ITGBL1: variants seen among roughly 807,000 people sequenced by gnomAD.
ITGBL1 encodes the protein integrin subunit beta like 1.
A neutral mutation model predicts 68.5 loss-of-function variants in ITGBL1; 51 were observed. That is an observed-to-expected ratio of 0.74 (90% CI 0.59 to 0.94). The LOEUF is 0.94. ITGBL1 is among the 40% of genes least tolerant of loss of function. The pLI is 0.00. For missense variants in ITGBL1, 649 were observed against 647.4 expected, an observed-to-expected ratio of 1.00 and a Z score of -0.03; for synonymous variants, 209 against 227.3, an observed-to-expected ratio of 0.92 and a Z score of 0.72.
At chr13:101,641,433 AT>A (rs964677023) in intron 7 of ITGBL1, among the ~76,000 whole-genome samples, 1 of 151,452 alleles carries the variant, frequency 6.6e-6, no homozygotes, top group African/African-American at 2.4e-5. Context: ...AGTCTCTCTG[AT>A]TTTTTGATTG....
At chr13:101,487,944 G>A (rs2048723472) in intron 2 of ITGBL1, among the ~76,000 whole-genome samples, 1 of 152,168 alleles carries the variant, frequency 6.6e-6, no homozygotes, top group Non-Finnish European at 1.5e-5. Flanking sequence ...CTGGCACAGG[G>A]GGCCTGACTG....
In ITGBL1 at chr13:101,462,731, C is replaced by T. The variant is rs117829585; in HGVS notation, c.316+8631C>T. Among the ~76,000 whole-genome samples the T allele has an allele frequency of 5.6e-3, 854 of 152,198 alleles. 37 individuals carry two copies. In the East Asian group the frequency reaches 0.11, roughly 20 times the overall value. Reference sequence around the variant, plus strand: ...CTGAGTAGCTGGGACTGTAGGCATGCGCCCCCACACCTGGCTAATTTTTGT... The same window carrying T: ...CTGAGTAGCTGGGACTGTAGGCATGTGCCCCCACACCTGGCTAATTTTTGT... On this transcript the variant is annotated intron_variant, in intron 2 of 10. Coordinates refer to ENST00000376180, the MANE Select transcript of ITGBL1 (RefSeq NM_004791.3).
intron 7 of ITGBL1, among the ~76,000 whole-genome samples, chr13:101,679,116 C>T (rs1321440781): frequency 1.3e-5 from 2 of 151,688 alleles, no homozygotes; most frequent in Non-Finnish European, 2.9e-5. Context: ...CCATGTTGGC[C>T]AGGATGGTCT....
chr13:101,573,833 A>T (rs2050311834), intron 3 of ITGBL1, among the ~76,000 whole-genome samples: 9 of 152,142 alleles, frequency 5.9e-5, no homozygotes, highest in Admixed American at 5.9e-4. Flanking sequence ...AAACCAAATT[A>T]GCAACAGCTT....
Position 101,714,706 on chromosome 13 carries a change from C to T in ITGBL1, c.1393+155C>T, listed in dbSNP as rs1252426689. ...CGAAGTGGGCATTTGGGAAAAAGCC[C>T]TCACAAAAGCCTCACATTATTCCTA... On this transcript the variant is annotated intron_variant, in intron 10 of 10. Transcript: ENST00000376180. The T allele has an allele frequency of 4.6e-5, 28 of 606,378 alleles. No individual in the cohort carries two copies. In the East Asian group the frequency reaches 7.4e-4, roughly 16 times the overall value. 37.6% of individuals were successfully genotyped at this position (606,378 alleles called of 1,614,324 possible).
rs773407114 is a variant in ITGBL1, at chr13:101,671,435, TTGTTTTTTTTTG to T, written c.1016-21148_1016-21137del. Among the ~76,000 whole-genome samples, 9 of 61,190 alleles carry T rather than the reference TTGTTTTTTTTTG, an allele frequency of 1.5e-4. 3 individuals carry two copies. In the East Asian group the frequency reaches 3.5e-3, roughly 24 times the overall value. The allele number at this position is 61,190 out of a possible 152,430, so 40.1% of individuals were successfully genotyped here. On this transcript the variant is annotated intron_variant, in intron 7 of 10. Coordinates refer to ENST00000376180, the MANE Select transcript of ITGBL1 (RefSeq NM_004791.3). ...ACAAAAGTATACCTTTGTTTTTTTTTTGTTTTTTTTTGTTTTTTTTTGAGACGGAGTCTCGCT... is the reference window on the plus strand; with the variant it reads ...ACAAAAGTATACCTTTGTTTTTTTTTTTTTTTTTTGAGACGGAGTCTCGCT...
intron 2 of ITGBL1, among the ~76,000 whole-genome samples, chr13:101,462,694 T>C (rs1228673152): frequency 6.6e-6 from 1 of 152,190 alleles, no homozygotes; most frequent in South Asian, 2.1e-4. Flanking sequence ...GTGATACTCC[T>C]GCCTCAGCCT....
At chr13:101,471,532 A>ATG (rs150659546) in intron 2 of ITGBL1, among the ~76,000 whole-genome samples, 5,818 of 110,336 alleles carry the variant, frequency 0.053, 138 homozygotes, top group Non-Finnish European at 0.082. Flanking sequence ...GTGTGTATGT[A>ATG]TGTGTGTGTG....
intron 7 of ITGBL1, among the ~76,000 whole-genome samples, chr13:101,681,968 T>G (rs771238370): frequency 6.6e-6 from 1 of 152,198 alleles, no homozygotes; most frequent in Admixed American, 6.5e-5. Context: ...AATTTCACAA[T>G]CTTTACCTTA....
intron 2 of ITGBL1, among the ~76,000 whole-genome samples, chr13:101,464,569 A>T (rs1242402822): frequency 6.6e-6 from 1 of 151,896 alleles, no homozygotes; most frequent in African/African-American, 2.4e-5. Context: ...ATATCCTCCT[A>T]TATATTATTT....
At chr13:101,701,457 C>G (rs998626376) in intron 8 of ITGBL1, among the ~76,000 whole-genome samples, 1 of 151,948 alleles carries the variant, frequency 6.6e-6, no homozygotes, top group Non-Finnish European at 1.5e-5. Context: ...GGCTTGAACC[C>G]GGGAGTCGGA....
intron 2 of ITGBL1, among the ~76,000 whole-genome samples, chr13:101,533,189 A>T (rs1018407623): frequency 6.6e-6 from 1 of 152,234 alleles, no homozygotes; most frequent in Non-Finnish European, 1.5e-5. Flanking sequence ...TTATTTCTGC[A>T]ATGAACCTGC....
chr13:101,675,335 G>A (rs1183388609), intron 7 of ITGBL1, among the ~76,000 whole-genome samples: 1 of 151,406 alleles, frequency 6.6e-6, no homozygotes, highest in Admixed American at 6.6e-5. Context: ...AATTAGTTTG[G>A]CATTTGTGTT....
At chr13:101,690,762 A>G (rs996876166) in intron 7 of ITGBL1, among the ~76,000 whole-genome samples, 1 of 152,200 alleles carries the variant, frequency 6.6e-6, no homozygotes. Flanking sequence ...TTCCTCATCT[A>G]TTAAATAAAT....
At chr13:101,651,581 G>A (rs1394250953) in intron 7 of ITGBL1, among the ~76,000 whole-genome samples, 1 of 152,116 alleles carries the variant, frequency 6.6e-6, no homozygotes, top group Non-Finnish European at 1.5e-5. Flanking sequence ...ACCTTTGTCA[G>A]ATGGATAGAA....
chr13:101,709,798 C>T (rs1424576365), intron 9 of ITGBL1, among the ~76,000 whole-genome samples: 1 of 152,202 alleles, frequency 6.6e-6, no homozygotes, highest in East Asian at 1.9e-4. Flanking sequence ...TTCCCTAAGA[C>T]CTGTCCAACT....
At chr13:101,475,722 G>A (rs1038014891) in intron 2 of ITGBL1, among the ~76,000 whole-genome samples, 1 of 151,268 alleles carries the variant, frequency 6.6e-6, no homozygotes, top group Non-Finnish European at 1.5e-5. Flanking sequence ...CCAATACATT[G>A]GAGCAGACTT....
intron 5 of ITGBL1, 82 bp from the exon 6 acceptor site, chr13:101,583,132 CAG>C (rs1412409568): frequency 8.0e-6 from 11 of 1,371,180 alleles, no homozygotes; most frequent in Middle Eastern, 2.0e-4. Flanking sequence ...ACAAAGTAAA[CAG>C]AAAATAATAA....
chr13:101,665,591 T>C (rs1400556965), intron 7 of ITGBL1, among the ~76,000 whole-genome samples: 1 of 152,178 alleles, frequency 6.6e-6, no homozygotes, highest in African/African-American at 2.4e-5. Context: ...CTTTCTGTAC[T>C]GTTTGTATTT....
Sources: gnomAD v4.1 joint callset for allele counts (sites outside exome capture counted in the v4.1 genomes callset) on GRCh38, gnomAD v4.1.1 for gene constraint, MANE v1.5 for transcripts, NCBI Gene and HGNC (gene_info 2026-07-23, HGNC 2026-07-21) for gene names.